The following NETO2 variants were observed in gnomAD, a reference collection of about 807,000 sequenced individuals.
NETO2 encodes neuropilin and tolloid like 2.
Under a neutral mutation model 62.5 loss-of-function variants are expected in NETO2, and 28 were observed. The ratio of observed to expected loss-of-function variants is 0.45; its 90% confidence interval spans 0.33 to 0.61. NETO2 has a LOEUF of 0.61. NETO2 is among the 20% of genes least tolerant of loss of function. The pLI is 0.02. For synonymous variants in NETO2, 214 were observed against 219.1 expected (o/e 0.98, Z 0.21); for missense variants, 548 against 643.2 (o/e 0.85, Z 1.60).
At chr16:47,140,349 G>A (rs752584805) in intron 1 of NETO2, among the ~76,000 whole-genome samples, 4 of 152,162 alleles carry the variant, frequency 2.6e-5, no homozygotes, top group Non-Finnish European at 5.9e-5. Flanking sequence ...CTACAGGAGC[G>A]TAAGTTGAAA....
intron 1 of NETO2, among the ~76,000 whole-genome samples, chr16:47,133,392 G>A (rs1373988209): frequency 6.7e-6 from 1 of 148,332 alleles, no homozygotes; most frequent in African/African-American, 2.5e-5. Flanking sequence ...CTGTCTCTAC[G>A]GAAAAAAAAA....
At position 47,078,423 on chromosome 16, in the gene NETO2, A is replaced by G. The variant is rs2143773705; in HGVS notation, c.*4798T>C. 6.6e-6 allele frequency: 1 copy of G among 152,390 alleles called. No individual in the cohort carries two copies. Among genetic ancestry groups the G allele is most frequent in the African/African-American group, 2.4e-5 (1 of 41,598 alleles). The allele number at this position is 152,390 out of a possible 1,614,324, so 9.4% of individuals were successfully genotyped here. ...GCCTGGAAGTTCATCTCTAATAAAA[A>G]TCTACTGCTTTTAAAAAGCTTACAC... is the stretch of plus-strand genomic sequence containing the variant. On this transcript the variant is annotated 3_prime_UTR_variant, in exon 9 of 9. Coordinates refer to ENST00000562435, the MANE Select transcript of NETO2 (RefSeq NM_018092.5).
chr16:47,128,933 A>C (rs912505890), intron 3 of NETO2, among the ~76,000 whole-genome samples: 1 of 152,220 alleles, frequency 6.6e-6, no homozygotes, highest in South Asian at 2.1e-4. Context: ...AATTTGAATT[A>C]AGCCTTATAA....
At chr16:47,133,612 A>G (rs1387274302) in intron 1 of NETO2, among the ~76,000 whole-genome samples, 2 of 93,480 alleles carry the variant, frequency 2.1e-5, no homozygotes, top group Non-Finnish European at 4.6e-5. Flanking sequence ...AACATAAAAT[A>G]AAATAAAATA....
chr16:47,092,102 C>T (rs1040846126), intron 7 of NETO2, among the ~76,000 whole-genome samples: 1 of 151,080 alleles, frequency 6.6e-6, no homozygotes, highest in East Asian at 1.9e-4. Context: ...CCCACCTTGG[C>T]CTCCCAAAGA....
At chr16:47,125,587 C>G (rs1012392199) in intron 4 of NETO2, among the ~76,000 whole-genome samples, 1 of 152,142 alleles carries the variant, frequency 6.6e-6, no homozygotes, top group African/African-American at 2.4e-5. Flanking sequence ...CTCATGTGAT[C>G]CACCCACCTC....
At chr16:47,114,544 G>C (rs1055917315) in intron 6 of NETO2, among the ~76,000 whole-genome samples, 1 of 137,008 alleles carries the variant, frequency 7.3e-6, no homozygotes, top group Non-Finnish European at 1.5e-5. Flanking sequence ...TCCGCCTCCC[G>C]GGTTCATGCC....
intron 7 of NETO2, among the ~76,000 whole-genome samples, chr16:47,101,024 C>T (rs182672775): frequency 1.9e-4 from 29 of 152,274 alleles, no homozygotes; most frequent in African/African-American, 6.5e-4. Flanking sequence ...GCCAATATCC[C>T]TGATGAACAT....
At chr16:47,093,712 G>T (rs1267700994) in intron 7 of NETO2, among the ~76,000 whole-genome samples, 2 of 152,158 alleles carry the variant, frequency 1.3e-5, no homozygotes, top group African/African-American at 2.4e-5. Context: ...CTATAAGAAA[G>T]CCTGTATATG....
chr16:47,129,412 C>A, intron 2 of NETO2, 48 bp from the exon 3 acceptor site: 1 of 1,571,592 alleles, frequency 6.4e-7, no homozygotes, highest in Non-Finnish European at 8.7e-7. Flanking sequence ...AAAAGAGAAT[C>A]ATTCTTCTCT....
In NETO2 at chr16:47,109,715, T is replaced by C. The variant is rs1490301584; in HGVS notation, c.655-4A>G. 3.8e-6 allele frequency: 6 copies of C among 1,580,092 alleles called. 1 individual carries two copies. Among genetic ancestry groups the C allele is most frequent in the Middle Eastern group, 1.7e-4 (1 of 6,018 alleles). On this transcript the variant is annotated splice_polypyrimidine_tract_variant and splice_region_variant and intron_variant, in intron 6 of 8. Transcript: ENST00000562435. ...AATCTAGGAACCTCAAATAAATCTG[T>C]AATATTAACACAAAAACACTGCTTT...
At chr16:47,104,708 A>T (rs1365868751) in intron 7 of NETO2, among the ~76,000 whole-genome samples, 1 of 152,206 alleles carries the variant, frequency 6.6e-6, no homozygotes, top group Non-Finnish European at 1.5e-5. Context: ...AGAGGCCAGA[A>T]ATAAATCTTC....
intron 7 of NETO2, among the ~76,000 whole-genome samples, chr16:47,092,697 GT>G (rs932761688): frequency 1.3e-5 from 2 of 152,152 alleles, no homozygotes; most frequent in African/African-American, 4.8e-5. Flanking sequence ...AGTTTTTTAA[GT>G]TTGAAAAGTT....
At chr16:47,097,127 GT>G (rs1010072998) in intron 7 of NETO2, among the ~76,000 whole-genome samples, 4 of 152,154 alleles carry the variant, frequency 2.6e-5, no homozygotes, top group Admixed American at 6.5e-5. Context: ...ACCTGCAGAA[GT>G]TTTTTTTCAT....
At chr16:47,102,397 A>C (rs1963570093) in intron 7 of NETO2, among the ~76,000 whole-genome samples, 1 of 152,316 alleles carries the variant, frequency 6.6e-6, no homozygotes, top group Admixed American at 6.5e-5. Context: ...TTCATGACTA[A>C]AACACCAAAA....
chr16:47,143,685 G>T lies in NETO2; in HGVS notation c.-73C>A. 1.6e-6 allele frequency: 2 copies of T among 1,214,752 alleles called. No homozygotes were observed. The highest frequency in any genetic ancestry group is 3.3e-5 in the East Asian group (1 of 30,102). The allele number at this position is 1,214,752 out of a possible 1,614,324, so 75.2% of individuals were successfully genotyped here. A position where few individuals can be genotyped will look rare whatever the true frequency, so the allele number is the denominator to read the frequency against. On this transcript the variant is annotated 5_prime_UTR_variant, in exon 1 of 9. Transcript: ENST00000562435. Reference sequence around the variant, plus strand: ...GGTGGCTCGGCGCTCACGGCTCGGCGCGGCGGCGACGGCCCCACTCCGTCC... The same window carrying T: ...GGTGGCTCGGCGCTCACGGCTCGGCTCGGCGGCGACGGCCCCACTCCGTCC...
chr16:47,115,716 T>TAC (rs1963901805), intron 6 of NETO2, among the ~76,000 whole-genome samples: 1 of 127,678 alleles, frequency 7.8e-6, no homozygotes, highest in African/African-American at 3.8e-5. Flanking sequence ...TATATATACA[T>TAC]ATATATATAT....
At chr16:47,100,517 G>A (rs1403563053) in intron 7 of NETO2, among the ~76,000 whole-genome samples, 2 of 152,012 alleles carry the variant, frequency 1.3e-5, no homozygotes, top group Non-Finnish European at 2.9e-5. Context: ...TCCAGGAGCT[G>A]GTTTTTTGAA....
chr16:47,143,693 G>C lies in NETO2; in HGVS notation c.-81C>G, dbSNP rs1964514614. ...GGCGCTCACGGCTCGGCGCGGCGGCGACGGCCCCACTCCGTCCCCATCGCC... is the reference window on the plus strand; with the variant it reads ...GGCGCTCACGGCTCGGCGCGGCGGCCACGGCCCCACTCCGTCCCCATCGCC... On this transcript the variant is annotated 5_prime_UTR_variant, in exon 1 of 9. Transcript: ENST00000562435. 2 of 1,212,208 alleles carry C rather than the reference G, an allele frequency of 1.6e-6. No homozygotes were observed. Among genetic ancestry groups the C allele is most frequent in the Non-Finnish European group, 2.1e-6 (2 of 974,792 alleles). 75.1% of individuals were successfully genotyped at this position (1,212,208 alleles called of 1,614,324 possible).
Sources: gnomAD v4.1 joint callset for allele counts (sites outside exome capture counted in the v4.1 genomes callset) on GRCh38, gnomAD v4.1.1 for gene constraint, MANE v1.5 for transcripts, NCBI Gene and HGNC (gene_info 2026-07-23, HGNC 2026-07-21) for gene names.